Variants in AGBL1 observed in about 807,000 individuals in gnomAD.
AGBL1 encodes the protein AGBL carboxypeptidase 1.
AGBL1 carries 130 observed loss-of-function variants against 118.9 expected under a neutral mutation model. That is an observed-to-expected ratio of 1.09 (90% CI 0.95 to 1.26). AGBL1 has a LOEUF of 1.26. Among genes scored for constraint, AGBL1 ranks in the 50% most tolerant of loss-of-function variants. The pLI is 0.00. For missense variants in AGBL1, 1,584 were observed against 1,298.1 expected, an observed-to-expected ratio of 1.22 and a Z score of -3.38; for synonymous variants, 555 against 478.9, an observed-to-expected ratio of 1.16 and a Z score of -2.08.
At chr15:86,344,194 C>T (rs1319266915) in intron 17 of AGBL1, among the ~76,000 whole-genome samples, 2 of 152,010 alleles carry the variant, frequency 1.3e-5, no homozygotes, top group Non-Finnish European at 1.5e-5. Context: ...GTGATTTGGA[C>T]AAAAAAGCAG....
At chr15:86,393,566 A>T (rs530887762) in intron 17 of AGBL1, among the ~76,000 whole-genome samples, 17 of 152,288 alleles carry the variant, frequency 1.1e-4, no homozygotes, top group African/African-American at 3.8e-4. Context: ...TTGGCGTGCC[A>T]ACACAGCTTG....
intron 19 of AGBL1, among the ~76,000 whole-genome samples, chr15:86,534,747 C>G (rs1311700679): frequency 6.6e-6 from 1 of 152,144 alleles, no homozygotes; most frequent in Non-Finnish European, 1.5e-5. Flanking sequence ...GTGGGTGAAT[C>G]TCATAAACAT....
chr15:86,366,439 T>C, intron 17 of AGBL1, among the ~76,000 whole-genome samples: 1 of 152,136 alleles, frequency 6.6e-6, no homozygotes, highest in Non-Finnish European at 1.5e-5. Context: ...ATTTTATGGT[T>C]GAGAAAACTG....
Position 86,912,623 on chromosome 15 carries a change from T to C in AGBL1, c.*5329T>C, listed in dbSNP as rs1480142715. The C allele has an allele frequency of 6.6e-6, 1 of 152,192 alleles. No individual in the cohort carries two copies. The highest frequency in any genetic ancestry group is 1.5e-5 in the Non-Finnish European group (1 of 68,052). The allele number at this position is 152,192 out of a possible 1,614,324, so 9.4% of individuals were successfully genotyped here. ...ACAAGGAAGGTCATATTACACCCTTTCATTTATCAGCCTGGAAAATGGTGC... is the reference window on the plus strand; with the variant it reads ...ACAAGGAAGGTCATATTACACCCTTCCATTTATCAGCCTGGAAAATGGTGC... On this transcript the variant is annotated 3_prime_UTR_variant, in exon 23 of 23. Transcript: ENST00000614907.
At position 86,870,574 on chromosome 15, in the gene AGBL1, G is replaced by A. The variant is rs1261409975; in HGVS notation, c.3159-36513G>A. ...GTGTGAAAACATGAGGATGAAAATTGTACACATGCTTACATGAGCAGAAAT... is the reference window on the plus strand; with the variant it reads ...GTGTGAAAACATGAGGATGAAAATTATACACATGCTTACATGAGCAGAAAT... On this transcript the variant is annotated intron_variant, in intron 22 of 22. Coordinates refer to ENST00000614907, the MANE Select transcript of AGBL1 (RefSeq NM_001386094.1). 4.1e-5 allele frequency among the ~76,000 whole-genome samples: 6 copies of A among 146,458 alleles called. No homozygotes were observed. The Admixed American group carries it at 4.2e-4, about 10-fold the overall frequency.
At chr15:86,483,942 C>A (rs1015111837) in intron 18 of AGBL1, among the ~76,000 whole-genome samples, 5 of 152,120 alleles carry the variant, frequency 3.3e-5, no homozygotes, top group African/African-American at 1.2e-4. Context: ...CAGTATTCAG[C>A]TGAATGATCT....
chr15:86,757,200 TC>T (rs920061625), intron 22 of AGBL1, among the ~76,000 whole-genome samples: 3 of 152,116 alleles, frequency 2.0e-5, no homozygotes, highest in African/African-American at 7.2e-5. Context: ...GCGTGGTCCT[TC>T]TTGCTATTTC....
intron 18 of AGBL1, among the ~76,000 whole-genome samples, chr15:86,495,949 A>G (rs1160041063): frequency 6.6e-6 from 1 of 151,652 alleles, no homozygotes; most frequent in Non-Finnish European, 1.5e-5. Context: ...TTTGCCCTCA[A>G]TTCTATTTCA....
chr15:86,886,682 G>A (rs186362984), intron 22 of AGBL1, among the ~76,000 whole-genome samples: 1 of 152,272 alleles, frequency 6.6e-6, no homozygotes, highest in East Asian at 1.9e-4. Flanking sequence ...TTTTTATGGA[G>A]GAGGTAACAT....
At chr15:86,526,540 C>CTATATATA (rs2083264306) in intron 19 of AGBL1, among the ~76,000 whole-genome samples, 1 of 48,646 alleles carries the variant, frequency 2.1e-5, no homozygotes, top group African/African-American at 8.1e-5. Flanking sequence ...ATGTTTGTGT[C>CTATATATA]TGTGTATATA....
At chr15:86,262,598 C>T in intron 9 of AGBL1, 180 bp from the exon 10 acceptor site, 1 of 670,858 alleles carries the variant, frequency 1.5e-6, no homozygotes. Flanking sequence ...TATCTTCTTT[C>T]TTTTTATTTT....
chr15:86,275,631 T>A (rs2079238815), intron 15 of AGBL1, among the ~76,000 whole-genome samples: 1 of 152,218 alleles, frequency 6.6e-6, no homozygotes, highest in Non-Finnish European at 1.5e-5. Flanking sequence ...TTCATTGAAG[T>A]CTTTATGATT....
rs1418983262 is a variant in AGBL1, at chr15:86,257,986, T to C, written c.924T>C (p.Asp308=). The C allele has an allele frequency of 6.2e-6, 10 of 1,613,682 alleles. No homozygotes were observed. The highest frequency in any genetic ancestry group is 8.5e-6 in the Non-Finnish European group (10 of 1,179,826). The change falls in exon 9 of 23, where the codon GAT becomes GAC. Residue 308 remains aspartate (D), a synonymous_variant. Transcript: ENST00000614907. The stretch of plus-strand genomic sequence containing the variant: ...CAGAGGATTTTGAAGATGATGGCGA[T>C]GATGAAGTGGACAAAGACTCTGATA... ...LPEEDFEDDG[D]DEVDKDSDTE... is the part of the protein sequence containing the mutation.
At chr15:86,563,578 G>A (rs575960441) in intron 21 of AGBL1, among the ~76,000 whole-genome samples, 7,271 of 105,278 alleles carry the variant, frequency 0.069, 492 homozygotes, top group African/African-American at 0.19. Context: ...GACTAAGTAC[G>A]ATGTGGTGCT....
At chr15:86,763,626 A>G (rs774776473) in intron 22 of AGBL1, among the ~76,000 whole-genome samples, 2 of 151,988 alleles carry the variant, frequency 1.3e-5, no homozygotes, top group Non-Finnish European at 2.9e-5. Flanking sequence ...AATGCCTAAC[A>G]CAGCTCTCAC....
chr15:86,983,853 C>T (rs1022779786), intron 23 of AGBL1, among the ~76,000 whole-genome samples: 3 of 152,084 alleles, frequency 2.0e-5, no homozygotes, highest in African/African-American at 7.2e-5. Flanking sequence ...GAGATTTATC[C>T]ATGTTGTTGT....
At chr15:87,007,653 AAATAACTGGGCAACAAAAAGATAT>A (rs1188188390) in intron 24 of AGBL1, among the ~76,000 whole-genome samples, 1 of 152,208 alleles carries the variant, frequency 6.6e-6, no homozygotes, top group East Asian at 1.9e-4. Context: ...GGAATTAAGA[AAATAACTGGGCAACAAAAAGATAT>A]AAAATGTTTG....
At chr15:86,477,819 T>C (rs2082584379) in intron 18 of AGBL1, among the ~76,000 whole-genome samples, 1 of 152,176 alleles carries the variant, frequency 6.6e-6, no homozygotes, top group African/African-American at 2.4e-5. Context: ...TGAACATTGA[T>C]GCAAAAATCC....
chr15:86,736,379 CA>C (rs5814261), intron 22 of AGBL1, among the ~76,000 whole-genome samples: 3,314 of 137,682 alleles, frequency 0.024, 62 homozygotes, highest in African/African-American at 0.057. Flanking sequence ...AACTCTGTCT[CA>C]AAAAAAAAAA....
Sources: allele counts gnomAD v4.1 joint callset (sites outside exome capture counted in the v4.1 genomes callset), GRCh38; gene constraint gnomAD v4.1.1; transcripts MANE v1.5; gene names NCBI Gene and HGNC (gene_info 2026-07-23, HGNC 2026-07-21).